The following CATSPER3 variants were observed in gnomAD, a reference collection of about 807,000 sequenced individuals.
CATSPER3 encodes the protein cation channel sperm associated 3.
In CATSPER3, 23 loss-of-function variants were observed where a neutral mutation model predicts 36.6. The observed-to-expected ratio is 0.63, with a 90% CI of 0.45 to 0.89. The LOEUF is 0.89. Ranked by LOEUF, CATSPER3 falls within the 40% of genes least tolerant of loss-of-function variation. The pLI is 0.00. For missense variants in CATSPER3, 474 were observed against 503.9 expected (o/e 0.94, Z 0.57); for synonymous variants, 172 against 184.1 (o/e 0.93, Z 0.53).
rs201692104 is a variant in CATSPER3, at chr5:135,006,679, C to CA, written c.493-1269dup. Among the ~76,000 whole-genome samples, 689 of 150,012 alleles carry CA rather than the reference C, an allele frequency of 4.6e-3. 4 individuals are homozygous for CA. Among genetic ancestry groups the CA allele is most frequent in the African/African-American group, 0.016 (643 of 40,920 alleles). On this transcript the variant is annotated intron_variant, in intron 3 of 7. Coordinates refer to ENST00000282611, the MANE Select transcript of CATSPER3 (RefSeq NM_178019.3). ...TGAAACCTCATCTCTACTAAAAATA[C>CA]AAAAAAAAATTAGCCGGGCGCAGTG... is the stretch of plus-strand genomic sequence containing the variant.
At chr5:134,976,090 ATTAG>A (rs760657915) in intron 2 of CATSPER3, among the ~76,000 whole-genome samples, 1 of 152,222 alleles carries the variant, frequency 6.6e-6, no homozygotes, top group Non-Finnish European at 1.5e-5. Context: ...GAGGTAGTAT[ATTAG>A]TTAGTTTTTG....
chr5:134,999,383 G>A (rs1194177300), intron 3 of CATSPER3, among the ~76,000 whole-genome samples: 2 of 152,108 alleles, frequency 1.3e-5, no homozygotes, highest in Admixed American at 6.6e-5. Flanking sequence ...GATTGTCTTG[G>A]CAATGCGGGC....
chr5:134,970,688 C>T (rs1751593104), intron 2 of CATSPER3, among the ~76,000 whole-genome samples: 1 of 151,314 alleles, frequency 6.6e-6, no homozygotes, highest in Non-Finnish European at 1.5e-5. Context: ...TCTCCTGCCT[C>T]AGCCGACTGA....
intron 4 of CATSPER3, 152 bp downstream of exon 4, chr5:135,008,291 C>G (rs1353432555): frequency 1.5e-6 from 1 of 653,580 alleles, no homozygotes; most frequent in East Asian, 2.7e-5. Context: ...TGTTCCCCAT[C>G]ACAAGCCAGC....
chr5:134,971,229 G>A (rs1447449888), intron 2 of CATSPER3, among the ~76,000 whole-genome samples: 5 of 152,024 alleles, frequency 3.3e-5, no homozygotes, highest in Admixed American at 6.6e-5. Flanking sequence ...TATTACAGAC[G>A]TTAGCCACTG....
At chr5:135,004,777 G>A (rs73284738) in intron 3 of CATSPER3, among the ~76,000 whole-genome samples, 8,171 of 152,162 alleles carry the variant, frequency 0.054, 686 homozygotes, top group African/African-American at 0.18. Flanking sequence ...GGGAGAGGGG[G>A]AAGCTGGAAG....
chr5:135,004,556 G>A (rs1326894444), intron 3 of CATSPER3, among the ~76,000 whole-genome samples: 1 of 152,228 alleles, frequency 6.6e-6, no homozygotes, highest in East Asian at 1.9e-4. Context: ...GTGAGGGCGG[G>A]ATCTGGCAGT....
chr5:134,978,353 C>T (rs1249564433), intron 2 of CATSPER3, among the ~76,000 whole-genome samples: 1 of 152,136 alleles, frequency 6.6e-6, no homozygotes, highest in African/African-American at 2.4e-5. Flanking sequence ...GATGAATATG[C>T]TGATTACCCT....
chr5:135,006,848 A>T (rs952763163), intron 3 of CATSPER3, among the ~76,000 whole-genome samples: 2,293 of 142,212 alleles, frequency 0.016, 87 homozygotes, highest in African/African-American at 0.057. Context: ...AAAAAAAAAA[A>T]AATAATAATA....
At chr5:134,981,914 G>A (rs913894225) in intron 2 of CATSPER3, among the ~76,000 whole-genome samples, 5 of 152,150 alleles carry the variant, frequency 3.3e-5, no homozygotes, top group Non-Finnish European at 7.4e-5. Flanking sequence ...TGGATCACTT[G>A]AGGTCAGGAG....
chr5:134,979,163 G>T (rs1202349648), intron 2 of CATSPER3, among the ~76,000 whole-genome samples: 1 of 152,118 alleles, frequency 6.6e-6, no homozygotes, highest in Non-Finnish European at 1.5e-5. Context: ...TTGAGATGGG[G>T]TCTTGCTCTG....
At chr5:135,010,957 T>C (rs1752173938) in intron 7 of CATSPER3, among the ~76,000 whole-genome samples, 1 of 152,178 alleles carries the variant, frequency 6.6e-6, no homozygotes, top group South Asian at 2.1e-4. Flanking sequence ...GCTGATTCAA[T>C]GAAAACAGTA....
intron 1 of CATSPER3, chr5:134,968,487 T>C (rs188160664): frequency 7.7e-6 from 2 of 260,242 alleles, no homozygotes; most frequent in Admixed American, 1.0e-4. Context: ...GGTCAGGAGT[T>C]TGAGACCAGC....
intron 1 of CATSPER3, 158 bp from the exon 2 acceptor site, chr5:134,969,781 G>C: frequency 1.3e-6 from 1 of 751,772 alleles, no homozygotes; most frequent in Non-Finnish European, 2.3e-6. Context: ...TATGTCAGTG[G>C]TCATTTATTC....
chr5:134,976,544 C>T (rs184016298), intron 2 of CATSPER3, among the ~76,000 whole-genome samples: 60 of 152,350 alleles, frequency 3.9e-4, no homozygotes, highest in African/African-American at 1.4e-3. Context: ...CTTTTCTAGG[C>T]TTAGGATGTA....
chr5:135,008,242 A>G, intron 4 of CATSPER3, 103 bp downstream of exon 4: 1 of 949,848 alleles, frequency 1.1e-6, no homozygotes, highest in Non-Finnish European at 1.7e-6. Flanking sequence ...GGCTTTCCTC[A>G]TGTCCAGGTA....
chr5:134,972,644 G>GA (rs374598228), intron 2 of CATSPER3, among the ~76,000 whole-genome samples: 7 of 151,304 alleles, frequency 4.6e-5, no homozygotes, highest in African/African-American at 9.7e-5. Flanking sequence ...CGAAGATGGG[G>GA]AAAAAAAAAT....
intron 2 of CATSPER3, among the ~76,000 whole-genome samples, chr5:134,994,653 C>CA (rs367788264): frequency 4.6e-5 from 7 of 152,192 alleles, no homozygotes; most frequent in African/African-American, 1.7e-4. Flanking sequence ...CTTCCTTCCT[C>CA]AAAATCCTCT....
chr5:134,974,372 A>T (rs886274739), intron 2 of CATSPER3, among the ~76,000 whole-genome samples: 11 of 152,232 alleles, frequency 7.2e-5, no homozygotes, highest in African/African-American at 2.4e-4. Flanking sequence ...GGATGGATGC[A>T]TGAATTTTTA....
Sources: gnomAD v4.1 joint callset for allele counts (sites outside exome capture counted in the v4.1 genomes callset) on GRCh38, gnomAD v4.1.1 for gene constraint, MANE v1.5 for transcripts, NCBI Gene and HGNC (gene_info 2026-07-23, HGNC 2026-07-21) for gene names.